DMD: variants seen among roughly 807,000 people sequenced by gnomAD.
The protein encoded by DMD is dystrophin, also known as mutant dystrophin.
A neutral mutation model predicts 330.1 loss-of-function variants in DMD; 63 were observed. That is an observed-to-expected ratio of 0.19 (90% CI 0.16 to 0.24). DMD has a LOEUF of 0.24. Ranked by LOEUF, DMD falls within the 10% of genes least tolerant of loss-of-function variation. The pLI is 1.00. For synonymous variants in DMD, 1,223 were observed against 959.8 expected (o/e 1.27, Z -5.07); for missense variants, 3,344 against 2,684.1 (o/e 1.25, Z -5.43).
At chrX:32,462,007 A>G (rs918142945) in intron 25 of DMD, among the ~76,000 whole-genome samples, 2 of 109,814 alleles carry the variant, frequency 1.8e-5, no homozygotes, top group Non-Finnish European at 1.9e-5. Flanking sequence ...GCCTTTTGAC[A>G]TTACTTCTTT....
intron 44 of DMD, among the ~76,000 whole-genome samples, chrX:32,159,604 G>A (rs2147245153): frequency 9.0e-6 from 1 of 111,707 alleles, no homozygotes; most frequent in South Asian, 3.8e-4. Flanking sequence ...AGGGAGAAGG[G>A]GAAATCTTTT....
chrX:32,450,670 G>A (rs1480705460), intron 26 of DMD, among the ~76,000 whole-genome samples: 1 of 110,551 alleles, frequency 9.0e-6, no homozygotes, highest in Non-Finnish European at 1.9e-5. Flanking sequence ...CATCCTCAGA[G>A]TTATATCCTC....
At chrX:32,824,479 T>C (rs1195297454) in intron 4 of DMD, among the ~76,000 whole-genome samples, 1 of 111,457 alleles carries the variant, frequency 9.0e-6, no homozygotes, top group Non-Finnish European at 1.9e-5. Context: ...TTATGCTAAG[T>C]GGGGAAAAAG....
intron 20 of DMD, among the ~76,000 whole-genome samples, chrX:32,485,734 CTTTTTT>C (rs5902034): frequency 5.3e-4 from 19 of 36,153 alleles, no homozygotes; most frequent in South Asian, 3.0e-3. Flanking sequence ...GCAACCACTG[CTTTTTT>C]TTTTTTTTTT....
intron 60 of DMD, among the ~76,000 whole-genome samples, chrX:31,396,276 T>C (rs2060930914): frequency 9.1e-6 from 1 of 110,169 alleles, no homozygotes; most frequent in South Asian, 4.0e-4. Flanking sequence ...TAGCTGGGAC[T>C]ACAGGCGCCC....
At position 32,666,784 on chromosome X, in the gene DMD, G is replaced by A. The variant is rs142619035; in HGVS notation, c.961-21632C>T. On this transcript the variant is annotated intron_variant, in intron 9 of 78. Transcript: ENST00000357033. ...CAGGGGTGCAGTGAGCTGAAATTGG[G>A]TCAATGAACTCTAACCTGGGCAACA... Among the ~76,000 whole-genome samples, 4 of 105,795 alleles carry A rather than the reference G, an allele frequency of 3.8e-5. No individual in the cohort carries two copies. In the East Asian group the frequency reaches 1.2e-3, roughly 32 times the overall value. The allele number at this position is 105,795 out of a possible 115,157, so 91.9% of individuals were successfully genotyped here.
chrX:32,565,059 C>T (rs1406171604), intron 16 of DMD, among the ~76,000 whole-genome samples: 1 of 111,333 alleles, frequency 9.0e-6, no homozygotes, highest in African/African-American at 3.3e-5. Flanking sequence ...TTTAACGATA[C>T]CCCATTTTAG....
rs1034202222 is a variant in DMD at position 31,151,106 on chromosome X, G to T, written c.10554-3588C>A. On this transcript the variant is annotated intron_variant, in intron 74 of 78. Transcript: ENST00000357033. ...GTAAGTACACCTTCAGTCAGATTCT[G>T]CACACGGGTCTTCTGGGTGTGCACC... 3.6e-5 allele frequency among the ~76,000 whole-genome samples: 4 copies of T among 111,709 alleles called. No individual in the cohort carries two copies. In the Admixed American group the frequency reaches 3.8e-4, roughly 11 times the overall value.
At chrX:32,788,355 T>C (rs891875787) in intron 7 of DMD, among the ~76,000 whole-genome samples, 2 of 111,638 alleles carry the variant, frequency 1.8e-5, no homozygotes, top group Non-Finnish European at 3.8e-5. Flanking sequence ...AATTTCTTCA[T>C]GTCAAGTAAA....
At chrX:33,237,400 C>T (rs1399475286) in intron 1 of DMD, among the ~76,000 whole-genome samples, 1 of 109,760 alleles carries the variant, frequency 9.1e-6, no homozygotes, top group Non-Finnish European at 1.9e-5. Context: ...TGTGCCACCA[C>T]GCCCGGCTAA....
intron 44 of DMD, among the ~76,000 whole-genome samples, chrX:32,171,203 C>T (rs1434436166): frequency 1.8e-5 from 2 of 111,618 alleles, no homozygotes; most frequent in African/African-American, 3.3e-5. Context: ...AATTAGCCAT[C>T]ATAGGGCCTT....
At chrX:32,831,921 C>T (rs760245654) in intron 4 of DMD, among the ~76,000 whole-genome samples, 5 of 110,618 alleles carry the variant, frequency 4.5e-5, no homozygotes, top group Non-Finnish European at 9.5e-5. Context: ...TGGTGTCTGC[C>T]TCTTCTTGCC....
intron 42 of DMD, among the ~76,000 whole-genome samples, chrX:32,297,450 T>A (rs1160382464): frequency 9.1e-6 from 1 of 109,663 alleles, no homozygotes; most frequent in African/African-American, 3.3e-5. Context: ...ATTTTTTGTA[T>A]TTTTAGTAGA....
chrX:32,658,505 A>G (rs1602625859), intron 9 of DMD, among the ~76,000 whole-genome samples: 2 of 111,350 alleles, frequency 1.8e-5, no homozygotes, highest in East Asian at 5.7e-4. Context: ...TTCCAATAAA[A>G]CTTTATTTAC....
chrX:32,774,174 G>A (rs2073917676), intron 7 of DMD, among the ~76,000 whole-genome samples: 1 of 112,114 alleles, frequency 8.9e-6, no homozygotes, highest in Non-Finnish European at 1.9e-5. Context: ...TGTAATATAA[G>A]AGAGTTATTC....
At chrX:32,161,298 G>A (rs1219344465) in intron 44 of DMD, among the ~76,000 whole-genome samples, 1 of 111,319 alleles carries the variant, frequency 9.0e-6, no homozygotes, top group East Asian at 2.8e-4. Flanking sequence ...CAAAAAGCTG[G>A]GTAATCTAAG....
intron 1 of DMD, among the ~76,000 whole-genome samples, chrX:33,235,896 ATATTAT>A (rs200967851): frequency 8.0e-5 from 8 of 100,367 alleles, no homozygotes; most frequent in Admixed American, 1.1e-4. Flanking sequence ...TGGCCAACTT[ATATTAT>A]TATTATTATT....
chrX:33,333,958 G>A (rs1485141151), intron 1 of DMD, among the ~76,000 whole-genome samples: 1 of 110,846 alleles, frequency 9.0e-6, no homozygotes, highest in Admixed American at 9.7e-5. Context: ...ATAAACCCAC[G>A]AAGAGAGAAG....
chrX:31,462,346 G>A (rs904454650), intron 59 of DMD, among the ~76,000 whole-genome samples: 3 of 111,086 alleles, frequency 2.7e-5, no homozygotes, highest in East Asian at 2.8e-4. Context: ...CAGGCGTGGC[G>A]GTGCATGCCT....
Sources: allele counts gnomAD v4.1 joint callset (sites outside exome capture counted in the v4.1 genomes callset), GRCh38; gene constraint gnomAD v4.1.1; transcripts MANE v1.5; gene names NCBI Gene and HGNC (gene_info 2026-07-23, HGNC 2026-07-21).